IL1RAPL1: variants seen among roughly 807,000 people sequenced by gnomAD.
The protein encoded by IL1RAPL1 is interleukin-1 receptor accessory protein-like 1.
In IL1RAPL1, 3 loss-of-function variants were observed where a neutral mutation model predicts 48.4. That is an observed-to-expected ratio of 0.06 (90% confidence interval 0.03 to 0.16). The LOEUF (loss-of-function observed/expected upper bound fraction) is 0.16, where lower values mean the gene tolerates loss of function less well. Ranked by LOEUF, IL1RAPL1 falls within the 10% of genes least tolerant of loss-of-function variation. IL1RAPL1 has a pLI of 1.00. For missense variants in IL1RAPL1, 349 were observed against 530.6 expected (o/e 0.66, Z 3.36); for synonymous variants, 185 against 187.7 (o/e 0.99, Z 0.12).
intron 2 of IL1RAPL1, among the ~76,000 whole-genome samples, chrX:29,170,536 A>T (rs1389049761): frequency 9.0e-6 from 1 of 111,580 alleles, no homozygotes; most frequent in African/African-American, 3.2e-5. Flanking sequence ...GATAATACAA[A>T]CCTTGTCAGT....
intron 2 of IL1RAPL1, among the ~76,000 whole-genome samples, chrX:28,831,334 C>A (rs926342420): frequency 9.4e-6 from 1 of 105,944 alleles, no homozygotes; most frequent in East Asian, 2.9e-4. Flanking sequence ...CATGTGGCTT[C>A]ACCACCTAAG....
At chrX:28,660,362 AT>A (rs1182286342) in intron 1 of IL1RAPL1, among the ~76,000 whole-genome samples, 1 of 110,838 alleles carries the variant, frequency 9.0e-6, no homozygotes, top group Non-Finnish European at 1.9e-5. Flanking sequence ...CAGTCATTAA[AT>A]AATAGGTATT....
At chrX:28,932,304 C>G (rs1923905393) in intron 2 of IL1RAPL1, among the ~76,000 whole-genome samples, 1 of 110,833 alleles carries the variant, frequency 9.0e-6, no homozygotes, top group African/African-American at 3.3e-5. Context: ...TTATTTTGCT[C>G]TTAGCAAAAT....
chrX:29,191,662 G>A (rs775227173), intron 2 of IL1RAPL1, among the ~76,000 whole-genome samples: 1 of 111,585 alleles, frequency 9.0e-6, no homozygotes, highest in Admixed American at 9.6e-5. Context: ...GAAATAAAGG[G>A]GGCAGCAGAG....
intron 5 of IL1RAPL1, among the ~76,000 whole-genome samples, chrX:29,462,909 T>A (rs1334519313): frequency 9.0e-6 from 1 of 111,719 alleles, no homozygotes; most frequent in Non-Finnish European, 1.9e-5. Context: ...AGGAAAAGAC[T>A]GTATTGGAGC....
chrX:29,630,102 G>T (rs913209191), intron 5 of IL1RAPL1, among the ~76,000 whole-genome samples: 4 of 112,090 alleles, frequency 3.6e-5, no homozygotes, highest in Non-Finnish European at 7.5e-5. Flanking sequence ...TCCCAGATCA[G>T]TGTGCCAGCA....
At chrX:28,690,585 A>G (rs1170208247) in intron 1 of IL1RAPL1, among the ~76,000 whole-genome samples, 3 of 110,864 alleles carry the variant, frequency 2.7e-5, no homozygotes, top group Non-Finnish European at 3.8e-5. Context: ...ACTCTAAACT[A>G]TAGGACCGTA....
chrX:29,410,659 A>G (rs1008518607), intron 5 of IL1RAPL1, among the ~76,000 whole-genome samples: 15 of 111,871 alleles, frequency 1.3e-4, no homozygotes, highest in Non-Finnish European at 2.3e-4. Context: ...GAAAAATTAG[A>G]TGAAATAAAA....
intron 2 of IL1RAPL1, among the ~76,000 whole-genome samples, chrX:28,855,105 C>T (rs964640202): frequency 1.8e-5 from 2 of 111,645 alleles, no homozygotes; most frequent in East Asian, 2.8e-4. Context: ...CTGCAACTTC[C>T]GCCTCCCAAG....
intron 6 of IL1RAPL1, among the ~76,000 whole-genome samples, chrX:29,754,274 C>T (rs1030707944): frequency 3.6e-5 from 4 of 111,754 alleles, no homozygotes; most frequent in Non-Finnish European, 7.5e-5. Context: ...TCATTCAAAA[C>T]TGGCTTTTCA....
chrX:29,766,964 TA>T (rs973024424), intron 6 of IL1RAPL1, among the ~76,000 whole-genome samples: 2 of 109,884 alleles, frequency 1.8e-5, no homozygotes, highest in African/African-American at 6.6e-5. Flanking sequence ...ATGGTACTGT[TA>T]TCTAATACAC....
intron 3 of IL1RAPL1, among the ~76,000 whole-genome samples, chrX:29,314,709 A>C (rs1272699546): frequency 8.9e-6 from 1 of 112,332 alleles, no homozygotes; most frequent in Non-Finnish European, 1.9e-5. Context: ...GGATTTAGTG[A>C]AATAATGTGC....
At chrX:29,015,849 C>A (rs146240219) in intron 2 of IL1RAPL1, among the ~76,000 whole-genome samples, 1 of 110,340 alleles carries the variant, frequency 9.1e-6, no homozygotes, top group African/African-American at 3.3e-5. Flanking sequence ...GAAGTTTGTA[C>A]TTTTACAATT....
intron 2 of IL1RAPL1, among the ~76,000 whole-genome samples, chrX:29,204,478 A>T (rs1170621571): frequency 9.0e-6 from 1 of 111,273 alleles, no homozygotes; most frequent in Admixed American, 9.6e-5. Context: ...AGTGATGCTG[A>T]GCATTTTTTC....
At chrX:28,774,283 T>C (rs1936339027) in intron 1 of IL1RAPL1, among the ~76,000 whole-genome samples, 1 of 111,787 alleles carries the variant, frequency 8.9e-6, no homozygotes, top group Non-Finnish European at 1.9e-5. Context: ...ATTAGTTATC[T>C]ATTGCTGCAT....
At chrX:28,897,930 G>C (rs1477885342) in intron 2 of IL1RAPL1, among the ~76,000 whole-genome samples, 1 of 111,134 alleles carries the variant, frequency 9.0e-6, no homozygotes, top group Non-Finnish European at 1.9e-5. Context: ...GGTGCTCAGT[G>C]GGGGAGCTTT....
At chrX:29,171,955 A>G (rs1237132165) in intron 2 of IL1RAPL1, among the ~76,000 whole-genome samples, 2 of 112,261 alleles carry the variant, frequency 1.8e-5, no homozygotes, top group South Asian at 3.7e-4. Flanking sequence ...GTGGTTTTCA[A>G]TTTGTTCTAA....
intron 6 of IL1RAPL1, among the ~76,000 whole-genome samples, chrX:29,899,833 C>G (rs1397654695): frequency 9.0e-6 from 1 of 111,688 alleles, no homozygotes; most frequent in Non-Finnish European, 1.9e-5. Flanking sequence ...CGTGAGCCAC[C>G]ACACCCGGCC....
At chrX:28,802,770 T>G (rs1321188532) in intron 2 of IL1RAPL1, among the ~76,000 whole-genome samples, 1 of 111,985 alleles carries the variant, frequency 8.9e-6, no homozygotes, top group East Asian at 2.8e-4. Flanking sequence ...ATTCTTCCAA[T>G]TTTTTCTATA....
Sources: gnomAD v4.1 joint callset for allele counts (sites outside exome capture counted in the v4.1 genomes callset) on GRCh38, gnomAD v4.1.1 for gene constraint, MANE v1.5 for transcripts, NCBI Gene and HGNC (gene_info 2026-07-23, HGNC 2026-07-21) for gene names.